HMOX1: variants seen among roughly 807,000 people sequenced by gnomAD.
The protein encoded by HMOX1 is heat shock protein, 32-kD.
Under a neutral mutation model 27.8 loss-of-function variants are expected in HMOX1, and 22 were observed. That is an observed-to-expected ratio of 0.79 (90% CI 0.57 to 1.13). The LOEUF (loss-of-function observed/expected upper bound fraction) is 1.13, where lower values mean the gene tolerates loss of function less well. Among genes scored for constraint, HMOX1 ranks in the 50% most tolerant of loss-of-function variants. The probability of loss-of-function intolerance (pLI) is 0.00; values close to 1 mark genes in which losing one functional copy is unlikely to be tolerated. For synonymous variants in HMOX1, 153 were observed against 151.6 expected, an observed-to-expected ratio of 1.01 and a Z score of -0.07; for missense variants, 379 against 377.7, an observed-to-expected ratio of 1.00 and a Z score of -0.03.
intron 4 of HMOX1, 89 bp from the exon 5 acceptor site, chr22:35,393,379 C>T: frequency 6.4e-7 from 1 of 1,556,576 alleles, no homozygotes; most frequent in Non-Finnish European, 8.8e-7. Context: ...ACCACAGACC[C>T]TGAGGCCGCT....
In HMOX1 at chr22:35,389,207, TTCTTTCTC is replaced by T. The variant is rs745638190; in HGVS notation, c.637-649_637-642del. On this transcript the variant is annotated intron_variant, in intron 3 of 4. Coordinates refer to ENST00000216117, the MANE Select transcript of HMOX1 (RefSeq NM_002133.3). ...ATATGAATTTTCTTTCTTTCTTTCT[TTCTTTCTC>T]TCTTTCTTTCTTTCTTTCTTTCTTT... 1.7e-3 allele frequency among the ~76,000 whole-genome samples: 213 copies of T among 127,950 alleles called. 18 individuals carry two copies. The highest frequency in any genetic ancestry group is 0.012 in the South Asian group (49 of 3,966). The allele number at this position is 127,950 out of a possible 152,430, so 83.9% of individuals were successfully genotyped here.
At chr22:35,386,657 C>T (rs370142798) in intron 2 of HMOX1, 28 bp from the exon 3 acceptor site, 73 of 1,612,928 alleles carry the variant, frequency 4.5e-5, no homozygotes, top group Middle Eastern at 1.7e-4. Context: ...ATGTGGCTGG[C>T]GGCCTGACCT....
chr22:35,389,969 A>G lies in HMOX1; in HGVS notation c.736+6A>G. Reference sequence around the variant, plus strand: ...GGCCAGCAACAAAGTGCAAGGTGAGAGCATCCAGGAAGGGGCACTTCCTCT... The same window carrying G: ...GGCCAGCAACAAAGTGCAAGGTGAGGGCATCCAGGAAGGGGCACTTCCTCT... On this transcript the variant is annotated splice_donor_region_variant and intron_variant, in intron 4 of 4. Coordinates refer to ENST00000216117, the MANE Select transcript of HMOX1 (RefSeq NM_002133.3). 6.2e-7 allele frequency: 1 copy of G among 1,601,570 alleles called. No homozygotes were observed. The highest frequency in any genetic ancestry group is 8.5e-7 in the Non-Finnish European group (1 of 1,172,416).
rs769237502 is a variant in HMOX1, at chr22:35,393,511, C to A, written c.780C>A (p.Asn260Lys). The A allele has an allele frequency of 6.2e-7, 1 of 1,614,258 alleles. No homozygotes were observed. The highest frequency in any genetic ancestry group is 8.5e-7 in the Non-Finnish European group (1 of 1,180,040). The change falls in exon 5 of 5, where the codon AAC (asparagine) becomes AAA (lysine). Residue 260 changes from asparagine to lysine, a missense_variant. By Grantham distance (94) the Asn-to-Lys change is moderately conservative. Coordinates refer to ENST00000216117, the MANE Select transcript of HMOX1 (RefSeq NM_002133.3). Reference sequence around the variant, plus strand: ...CTCCCAGAGGGAAGCCCCCACTCAACACCCGCTCCCAGGCTCCGCTTCTCC... The same window carrying A: ...CTCCCAGAGGGAAGCCCCCACTCAAAACCCGCTCCCAGGCTCCGCTTCTCC... ...VETPRGKPPLNTRSQAPLLRW... is the reference protein window; with the variant it reads ...VETPRGKPPLKTRSQAPLLRW...
Position 35,389,250 on chromosome 22 carries a change from T to TTC in HMOX1, c.637-591_637-590dup, listed in dbSNP as rs72053640. On this transcript the variant is annotated intron_variant, in intron 3 of 4. Coordinates refer to ENST00000216117, the MANE Select transcript of HMOX1 (RefSeq NM_002133.3). ...CTTTCTTTCTTTCTTTTTCTTTCTT[T>TTC]TCTCTCTCTCTCTCTCTCTCTCTCC... 7.9e-3 allele frequency among the ~76,000 whole-genome samples: 848 copies of TTC among 107,824 alleles called. 54 individuals carry two copies. Among genetic ancestry groups the TTC allele is most frequent in the East Asian group, 0.028 (105 of 3,760 alleles). 70.7% of individuals were successfully genotyped at this position (107,824 alleles called of 152,430 possible). A position where few individuals can be genotyped will look rare whatever the true frequency, so the allele number is the denominator to read the frequency against.
At position 35,386,673 on chromosome 22, in the gene HMOX1, C is replaced by G. The variant is rs1471293876; in HGVS notation, c.145-12C>G. ...TGTGGCTGGCGGCCTGACCTGCTCA[C>G]TCTGCTTTCAGCTGGTGATGGCCTC... On this transcript the variant is annotated splice_polypyrimidine_tract_variant and intron_variant, in intron 2 of 4. Transcript: ENST00000216117. The G allele has an allele frequency of 8.1e-6, 13 of 1,614,074 alleles. No individual in the cohort carries two copies. The highest frequency in any genetic ancestry group is 1.0e-5 in the Non-Finnish European group (12 of 1,180,004).
At chr22:35,386,216 A>G (rs1365001983) in intron 2 of HMOX1, among the ~76,000 whole-genome samples, 3 of 151,974 alleles carry the variant, frequency 2.0e-5, no homozygotes, top group African/African-American at 7.3e-5. Flanking sequence ...TCGGCCTCCC[A>G]AAGTGCTGGG....
chr22:35,388,645 A>C (rs1931568322), intron 3 of HMOX1, among the ~76,000 whole-genome samples: 1 of 151,602 alleles, frequency 6.6e-6, no homozygotes, highest in Non-Finnish European at 1.5e-5. Context: ...AATACAAAAA[A>C]AATTAGCTGG....
chr22:35,390,121 TC>T, intron 4 of HMOX1, 158 bp downstream of exon 4: 1 of 686,870 alleles, frequency 1.5e-6, no homozygotes, highest in Non-Finnish European at 2.6e-6. Context: ...GGACAGGTTC[TC>T]GCTATATTGC....
intron 3 of HMOX1, among the ~76,000 whole-genome samples, chr22:35,389,315 CTTTCTTCTTTCTTTCTTTCTTTCT>C (rs1931616965): frequency 2.5e-5 from 3 of 120,324 alleles, no homozygotes; most frequent in African/African-American, 1.4e-4. Context: ...TTCTTTCTTT[CTTTCTTCTTTCTTTCTTTCTTTCT>C]TCTCCTTCCT....
chr22:35,390,097 C>T (rs565011467), intron 4 of HMOX1, 134 bp downstream of exon 4: 16 of 723,396 alleles, frequency 2.2e-5, no homozygotes, highest in Non-Finnish European at 3.9e-5. Flanking sequence ...TGCCCCACCC[C>T]ACTGCCCCTG....
At chr22:35,385,450 T>G (rs1213902625) in intron 2 of HMOX1, among the ~76,000 whole-genome samples, 4 of 151,228 alleles carry the variant, frequency 2.6e-5, no homozygotes, top group African/African-American at 9.7e-5. Context: ...TTTTTTTTTT[T>G]TCTGAGACAG....
At chr22:35,389,568 G>A (rs1444601762) in intron 3 of HMOX1, among the ~76,000 whole-genome samples, 2 of 151,014 alleles carry the variant, frequency 1.3e-5, no homozygotes, top group Admixed American at 1.3e-4. Flanking sequence ...TCAGCCTCCC[G>A]AGTAGCTGGG....
In HMOX1 at chr22:35,387,167, C is replaced by G; in HGVS notation, c.627C>G (p.Leu209=). ...VIEEAKTAFL[L]NIQLFEELQE... The stretch of plus-strand genomic sequence containing the variant: ...AAGAGGCCAAGACTGCGTTCCTGCT[C>G]AACATCCAGGTGAGGGTCGGGCAGC... The change falls in exon 3 of 5, where the codon CTC becomes CTG. Residue 209 remains leucine (L), a synonymous_variant. Transcript: ENST00000216117. 6.2e-7 allele frequency: 1 copy of G among 1,613,474 alleles called. No homozygotes were observed. The highest frequency in any genetic ancestry group is 8.5e-7 in the Non-Finnish European group (1 of 1,180,046).
At chr22:35,381,254 T>A in intron 1 of HMOX1, 58 bp downstream of exon 1, 1 of 1,532,460 alleles carries the variant, frequency 6.5e-7, no homozygotes, top group Admixed American at 2.0e-5. Context: ...CCTGCTTGCG[T>A]CCTAGCCCCA....
At chr22:35,393,367 G>A (rs1306366032) in intron 4 of HMOX1, 101 bp from the exon 5 acceptor site, 27 of 1,453,820 alleles carry the variant, frequency 1.9e-5, no homozygotes, top group Admixed American at 1.7e-5. Context: ...GGCAGTGACT[G>A]TACCACAGAC....
chr22:35,385,224 A>G (rs763232589), intron 2 of HMOX1, among the ~76,000 whole-genome samples: 5 of 152,192 alleles, frequency 3.3e-5, no homozygotes, highest in Non-Finnish European at 7.4e-5. Flanking sequence ...TTGGTTACGC[A>G]GAGGTCAAAA....
chr22:35,382,516 TA>T (rs1165626049), intron 1 of HMOX1, among the ~76,000 whole-genome samples: 7 of 130,382 alleles, frequency 5.4e-5, no homozygotes, highest in Admixed American at 5.0e-4. Context: ...CATGCCCGGC[TA>T]TTTTTTTTTT....
At chr22:35,393,359 C>T (rs1246730709) in intron 4 of HMOX1, 109 bp from the exon 5 acceptor site, 4 of 1,339,246 alleles carry the variant, frequency 3.0e-6, no homozygotes, top group Non-Finnish European at 4.3e-6. Context: ...TGGCGTTGGG[C>T]AGTGACTGTA....
Sources: gnomAD v4.1 joint callset for allele counts (sites outside exome capture counted in the v4.1 genomes callset) on GRCh38, gnomAD v4.1.1 for gene constraint, MANE v1.5 for transcripts, NCBI Gene and HGNC (gene_info 2026-07-23, HGNC 2026-07-21) for gene names.